BBS12: variants seen among roughly 807,000 people sequenced by gnomAD.
BBS12 encodes the protein chaperonin-containing T-complex member BBS12.
In BBS12, 5 loss-of-function variants were observed where a neutral mutation model predicts 5.6. That is an observed-to-expected ratio of 0.89 (90% confidence interval 0.46 to 1.86). The LOEUF (loss-of-function observed/expected upper bound fraction) is 1.86. Ranked by LOEUF, BBS12 falls within the 40% of genes most tolerant of loss-of-function variation. The pLI, the probability that BBS12 is intolerant of heterozygous loss-of-function variation, is 0.01. For missense variants in BBS12, 748 were observed against 830.4 expected (o/e 0.90, Z 1.22); for synonymous variants, 308 against 306.8 (o/e 1.00, Z -0.04).
chr4:122,743,535 GC>G lies in BBS12; in HGVS notation c.1644del (p.Cys549ValfsTer10). The G allele has an allele frequency of 6.2e-7, 1 of 1,614,160 alleles. No individual in the cohort carries two copies. Among genetic ancestry groups the G allele is most frequent in the South Asian group, 1.1e-5 (1 of 91,088 alleles). ...GGTGCAGTTGAATTTTTGTGTCTTA[GC>G]TGTCTTCATATTCTTGCAGAGCAAT... ...GGGAVEFLCL[S>X]CLHILAEQSL... On this transcript the variant is annotated frameshift_variant, in exon 2 of 2. Transcript: ENST00000314218. LOFTEE classifies it low-confidence loss of function (END_TRUNC).
intron 1 of BBS12, among the ~76,000 whole-genome samples, chr4:122,737,288 G>A (rs1461395881): frequency 6.6e-6 from 1 of 152,170 alleles, no homozygotes; most frequent in Non-Finnish European, 1.5e-5. Flanking sequence ...AAAGAAGAGA[G>A]GGTGAATTAC....
chr4:122,742,922 C>T lies in BBS12; in HGVS notation c.1030C>T (p.Pro344Ser). ...CACTGTTGTGTCAGTATCTAATAAT[C>T]CTGTGATCAAGGAATTGCAGAATCA... ...YITVVSVSNNPVIKELQNQPV... is the reference protein window; with the variant it reads ...YITVVSVSNNSVIKELQNQPV... The change falls in exon 2 of 2, where the codon CCT becomes TCT. Residue 344 changes from proline (P) to serine (S), a missense_variant. Transcript: ENST00000314218. The T allele has an allele frequency of 6.2e-7, 1 of 1,614,190 alleles. No individual in the cohort carries two copies.
intron 1 of BBS12, among the ~76,000 whole-genome samples, chr4:122,733,396 C>G (rs1306600960): frequency 1.4e-5 from 2 of 147,672 alleles, no homozygotes; most frequent in African/African-American, 5.1e-5. Context: ...CACACACACA[C>G]ACACACACAC....
At chr4:122,739,939 A>G (rs1311190451) in intron 1 of BBS12, among the ~76,000 whole-genome samples, 1 of 152,230 alleles carries the variant, frequency 6.6e-6, no homozygotes, top group Non-Finnish European at 1.5e-5. Flanking sequence ...CTTTAAGTGA[A>G]TGAAGACTTT....
At chr4:122,730,446 TA>T (rs1410157397), upstream of BBS12, 1 of 152,228 alleles carries the variant, frequency 6.6e-6, no homozygotes, top group Non-Finnish European at 1.5e-5. Context: ...TGTGTACATA[TA>T]AACTAAAAAC....
chr4:122,741,432 G>T (rs62322206), intron 1 of BBS12, among the ~76,000 whole-genome samples: 1 of 152,112 alleles, frequency 6.6e-6, no homozygotes, highest in Admixed American at 6.5e-5. Flanking sequence ...TGATCCGCCC[G>T]CCTCGGCCTC....
chr4:122,718,333 C>T, the BBS12 span, among the ~76,000 whole-genome samples: 1 of 152,156 alleles, frequency 6.6e-6, no homozygotes, highest in South Asian at 2.1e-4. Flanking sequence ...CAGTCTCTCC[C>T]ATTCATCTAC....
the BBS12 span, among the ~76,000 whole-genome samples, chr4:122,725,569 G>A: frequency 5.3e-3 from 811 of 152,218 alleles, 14 homozygotes; most frequent in African/African-American, 0.019. Context: ...ACATGTAAGA[G>A]AATGAAACTA....
the BBS12 span, among the ~76,000 whole-genome samples, chr4:122,714,071 A>G: frequency 8.5e-5 from 13 of 152,174 alleles, no homozygotes; most frequent in African/African-American, 3.1e-4. Context: ...CCTTCAATAT[A>G]CGTTGACACA....
At chr4:122,704,865 T>G in the BBS12 span, among the ~76,000 whole-genome samples, 1 of 152,200 alleles carries the variant, frequency 6.6e-6, no homozygotes, top group Non-Finnish European at 1.5e-5. Context: ...TCCCATCAAG[T>G]CAGCCCCTTC....
At chr4:122,714,998 C>T in the BBS12 span, among the ~76,000 whole-genome samples, 9 of 151,916 alleles carry the variant, frequency 5.9e-5, no homozygotes, top group South Asian at 8.3e-4. Context: ...ACCAGATACC[C>T]GATGAGATTC....
the BBS12 span, among the ~76,000 whole-genome samples, chr4:122,712,127 C>G: frequency 1.6e-4 from 25 of 152,226 alleles, no homozygotes; most frequent in Non-Finnish European, 2.5e-4. Context: ...CCTCAGCTTT[C>G]CTGGTTCTGT....
At chr4:122,723,626 C>T in the BBS12 span, among the ~76,000 whole-genome samples, 2 of 152,136 alleles carry the variant, frequency 1.3e-5, no homozygotes, top group African/African-American at 4.8e-5. Context: ...ATAAATTTTC[C>T]CCACTTCTGA....
At position 122,742,739 on chromosome 4, in the gene BBS12, A is replaced by G. The variant is rs1173472896; in HGVS notation, c.847A>G (p.Met283Val). 2 of 1,614,266 alleles carry G rather than the reference A, an allele frequency of 1.2e-6. No homozygotes were observed. Among genetic ancestry groups the G allele is most frequent in the Admixed American group, 1.7e-5 (1 of 60,034 alleles). ...VGLSHGDHSS[M>V]KLVEEAVQLQ... is the part of the protein sequence containing the mutation. ...CTTGAGTCATGGAGATCACAGCAGC[A>G]TGAAGTTAGTAGAAGAAGCAGTACA... Residue 283 changes from methionine (M) to valine (V), a missense_variant, in exon 2 of 2, where the codon ATG becomes GTG. Physicochemically the swap from Met to Val is conservative, Grantham distance 21. Coordinates refer to ENST00000314218, the MANE Select transcript of BBS12 (RefSeq NM_152618.3).
At chr4:122,719,001 C>A in the BBS12 span, among the ~76,000 whole-genome samples, 3 of 151,942 alleles carry the variant, frequency 2.0e-5, no homozygotes, top group African/African-American at 4.8e-5. Context: ...TTATATTTTT[C>A]GTAGAGACAG....
At chr4:122,729,333 C>T (rs560035251), upstream of BBS12, 5 of 152,390 alleles carry the variant, frequency 3.3e-5, 1 homozygote, top group South Asian at 1.0e-3. Context: ...CCAAGGCCCA[C>T]TCTCAAACAA....
At chr4:122,728,019 A>G (rs1023761650), upstream of BBS12, among the ~76,000 whole-genome samples, 1 of 152,222 alleles carries the variant, frequency 6.6e-6, no homozygotes, top group Non-Finnish European at 1.5e-5. Flanking sequence ...GACAGAAATC[A>G]AAAAAGTTTG....
chr4:122,714,346 C>T, the BBS12 span, among the ~76,000 whole-genome samples: 10 of 152,150 alleles, frequency 6.6e-5, no homozygotes, highest in African/African-American at 1.2e-4. Context: ...ACTCAGTCTA[C>T]GGTATTTGTA....
rs1800906037 is a variant in BBS12, at chr4:122,742,893, A to G, written c.1001A>G (p.Tyr334Cys). 8.1e-6 allele frequency: 13 copies of G among 1,614,246 alleles called. No individual in the cohort carries two copies. The highest frequency in any genetic ancestry group is 1.0e-5 in the Non-Finnish European group (12 of 1,180,050). The change falls in exon 2 of 2, where the codon TAT (tyrosine) becomes TGT (cysteine). Residue 334 changes from tyrosine to cysteine, a missense_variant. Transcript: ENST00000314218. ...PETSSCVCPGYITVVSVSNNP... is the reference protein window; with the variant it reads ...PETSSCVCPGCITVVSVSNNP... Reference sequence around the variant, plus strand: ...ACTTCTTCTTGTGTTTGTCCAGGATATATCACTGTTGTGTCAGTATCTAAT... The same window carrying G: ...ACTTCTTCTTGTGTTTGTCCAGGATGTATCACTGTTGTGTCAGTATCTAAT...
Sources: gnomAD v4.1 joint callset for allele counts (sites outside exome capture counted in the v4.1 genomes callset) on GRCh38, gnomAD v4.1.1 for gene constraint, MANE v1.5 for transcripts, NCBI Gene and HGNC (gene_info 2026-07-23, HGNC 2026-07-21) for gene names.